Variants in KCNIP4 observed in about 807,000 individuals in gnomAD.
KCNIP4 encodes potassium voltage-gated channel interacting protein 4, also known as Kv channel-interacting protein 4.
KCNIP4 carries 12 observed loss-of-function variants against 34.0 expected under a neutral mutation model. That is an observed-to-expected ratio of 0.35 (90% CI 0.23 to 0.57). KCNIP4 has a LOEUF of 0.57. Ranked by LOEUF, KCNIP4 falls within the 20% of genes least tolerant of loss-of-function variation. KCNIP4 has a pLI of 0.83. For synonymous variants in KCNIP4, 124 were observed against 102.2 expected, an observed-to-expected ratio of 1.21 and a Z score of -1.29; for missense variants, 238 against 311.7, an observed-to-expected ratio of 0.76 and a Z score of 1.78.
chr4:20,869,370 A>T (rs1476490344), intron 2 of KCNIP4, among the ~76,000 whole-genome samples: 3 of 152,208 alleles, frequency 2.0e-5, no homozygotes, highest in Admixed American at 6.6e-5. Flanking sequence ...AAAGTAGTTA[A>T]TATTATAGAA....
intron 4 of KCNIP4, among the ~76,000 whole-genome samples, chr4:20,757,385 A>G (rs1266102297): frequency 6.6e-6 from 1 of 152,198 alleles, no homozygotes; most frequent in African/African-American, 2.4e-5. Context: ...TATCAGTGAA[A>G]TGTATCCCAA....
chr4:20,835,928 A>G (rs1380675997), intron 3 of KCNIP4, among the ~76,000 whole-genome samples: 5 of 152,222 alleles, frequency 3.3e-5, no homozygotes, highest in Non-Finnish European at 7.3e-5. Flanking sequence ...TATAAAATAT[A>G]GATTAAATAC....
intron 1 of KCNIP4, among the ~76,000 whole-genome samples, chr4:21,662,618 G>C (rs1373102779): frequency 6.6e-6 from 1 of 152,092 alleles, no homozygotes; most frequent in East Asian, 1.9e-4. Flanking sequence ...ATTTTGTTTT[G>C]TGGTCTAAAA....
chr4:21,433,519 A>G (rs1726683280), intron 1 of KCNIP4, among the ~76,000 whole-genome samples: 1 of 152,226 alleles, frequency 6.6e-6, no homozygotes, highest in African/African-American at 2.4e-5. Flanking sequence ...CTAACCCGCA[A>G]TGTGAAGAAG....
At chr4:21,050,576 C>A (rs1415243209) in intron 1 of KCNIP4, among the ~76,000 whole-genome samples, 1 of 152,064 alleles carries the variant, frequency 6.6e-6, no homozygotes, top group African/African-American at 2.4e-5. Flanking sequence ...CTCTTACAAA[C>A]CAAAGGAAAC....
chr4:21,484,760 T>G, intron 1 of KCNIP4, among the ~76,000 whole-genome samples: 1 of 152,170 alleles, frequency 6.6e-6, no homozygotes, highest in East Asian at 1.9e-4. Context: ...AAAACTGACC[T>G]CTTTCTTCTC....
At chr4:21,397,539 AC>A (rs1723110051) in intron 1 of KCNIP4, among the ~76,000 whole-genome samples, 1 of 152,214 alleles carries the variant, frequency 6.6e-6, no homozygotes, top group South Asian at 2.1e-4. Flanking sequence ...GTATCCTGGA[AC>A]TTAAAATTTT....
intron 1 of KCNIP4, among the ~76,000 whole-genome samples, chr4:21,154,798 C>T (rs1365234560): frequency 6.6e-6 from 1 of 152,122 alleles, no homozygotes; most frequent in African/African-American, 2.4e-5. Context: ...CCCTCCTTGA[C>T]TTTTCCTCTT....
intron 1 of KCNIP4, among the ~76,000 whole-genome samples, chr4:20,935,271 G>C (rs1008537245): frequency 1.3e-5 from 2 of 152,180 alleles, no homozygotes; most frequent in Non-Finnish European, 2.9e-5. Context: ...GGAAGATGAG[G>C]AAGTCAGTGG....
intron 1 of KCNIP4, among the ~76,000 whole-genome samples, chr4:21,668,585 A>G (rs1025193589): frequency 2.6e-5 from 4 of 152,188 alleles, no homozygotes; most frequent in African/African-American, 9.6e-5. Flanking sequence ...CCTCACTAAA[A>G]TTATTACAAA....
rs77249098 is a variant in KCNIP4, at chr4:21,319,127, C to T, written c.62-436418G>A. Among the ~76,000 whole-genome samples, 459 of 152,278 alleles carry T rather than the reference C, an allele frequency of 3.0e-3. 1 individual carries two copies. The highest frequency in any genetic ancestry group is 0.01 in the African/African-American group (431 of 41,542). On this transcript the variant is annotated intron_variant, in intron 1 of 8. Coordinates refer to ENST00000382152, the MANE Select transcript of KCNIP4 (RefSeq NM_025221.6). Reference sequence around the variant, plus strand: ...GCGAATTCTAGCCTGGCACTTAGGGCCTGCTCTATCCACAGGCAAAGGAAA... The same window carrying T: ...GCGAATTCTAGCCTGGCACTTAGGGTCTGCTCTATCCACAGGCAAAGGAAA...
intron 3 of KCNIP4, among the ~76,000 whole-genome samples, chr4:20,828,135 A>G (rs1219984202): frequency 6.6e-6 from 1 of 152,124 alleles, no homozygotes; most frequent in African/African-American, 2.4e-5. Context: ...TAAAACTTTA[A>G]AAAGCTACAG....
intron 1 of KCNIP4, among the ~76,000 whole-genome samples, chr4:21,396,507 G>A (rs1319720709): frequency 8.4e-6 from 1 of 119,362 alleles, no homozygotes; most frequent in Non-Finnish European, 1.6e-5. Context: ...AGTGAGCTGA[G>A]ATCTAGCCAC....
chr4:21,764,160 A>G (rs1172225084), intron 1 of KCNIP4, among the ~76,000 whole-genome samples: 1 of 152,182 alleles, frequency 6.6e-6, no homozygotes, highest in Non-Finnish European at 1.5e-5. Flanking sequence ...GGCATTTTCC[A>G]TAATGGCTGG....
At chr4:21,610,494 G>T (rs1011272180) in intron 1 of KCNIP4, among the ~76,000 whole-genome samples, 9 of 152,098 alleles carry the variant, frequency 5.9e-5, no homozygotes, top group East Asian at 5.8e-4. Flanking sequence ...TTCATTTGAG[G>T]TACTGGAACG....
intron 1 of KCNIP4, among the ~76,000 whole-genome samples, chr4:21,399,658 ACT>A (rs1491345657): frequency 1.5e-5 from 1 of 66,202 alleles, no homozygotes; most frequent in African/African-American, 7.3e-5. Flanking sequence ...ACAGTGAATA[ACT>A]TTTTTTTTTT....
At chr4:21,652,742 A>G (rs1747601813) in intron 1 of KCNIP4, among the ~76,000 whole-genome samples, 1 of 152,132 alleles carries the variant, frequency 6.6e-6, no homozygotes, top group Non-Finnish European at 1.5e-5. Context: ...CACCAAAGAG[A>G]TCACCAAAGA....
chr4:21,775,302 A>G (rs1363782462), intron 1 of KCNIP4, among the ~76,000 whole-genome samples: 1 of 152,050 alleles, frequency 6.6e-6, no homozygotes, highest in African/African-American at 2.4e-5. Flanking sequence ...AGGTCACTCA[A>G]GGAGGCTGGA....
intron 1 of KCNIP4, among the ~76,000 whole-genome samples, chr4:21,716,631 A>G (rs1378503484): frequency 1.3e-5 from 2 of 152,140 alleles, no homozygotes; most frequent in African/African-American, 4.8e-5. Context: ...AGAAAGCTTA[A>G]TTATAAGATG....
Sources: gnomAD v4.1 joint callset for allele counts (sites outside exome capture counted in the v4.1 genomes callset) on GRCh38, gnomAD v4.1.1 for gene constraint, MANE v1.5 for transcripts, NCBI Gene and HGNC (gene_info 2026-07-23, HGNC 2026-07-21) for gene names.